The following PRLR variants were observed in gnomAD, a reference collection of about 807,000 sequenced individuals.
PRLR encodes prolactin receptor.
A neutral mutation model predicts 40.2 loss-of-function variants in PRLR; 13 were observed. The ratio of observed to expected loss-of-function variants is 0.32; its 90% CI spans 0.21 to 0.51. The LOEUF is 0.51. Ranked by LOEUF, PRLR falls within the 20% of genes least tolerant of loss-of-function variation. The probability of loss-of-function intolerance (pLI) is 0.97; values close to 1 mark genes in which losing one functional copy is unlikely to be tolerated. For synonymous variants in PRLR, 269 were observed against 278.7 expected (o/e 0.97, Z 0.35); for missense variants, 656 against 747.3 (o/e 0.88, Z 1.42).
downstream of PRLR, among the ~76,000 whole-genome samples, chr5:35,053,195 T>C (rs1768563893): frequency 6.6e-6 from 1 of 152,116 alleles, no homozygotes; most frequent in South Asian, 2.1e-4. Flanking sequence ...CCCAATAAAA[T>C]AGATCAAGAA....
At chr5:35,206,028 A>G (rs551386726) in intron 1 of PRLR, among the ~76,000 whole-genome samples, 6 of 152,324 alleles carry the variant, frequency 3.9e-5, no homozygotes, top group Admixed American at 2.0e-4. Context: ...CATCATCTTA[A>G]TGTCAATGTC....
intron 4 of PRLR, among the ~76,000 whole-genome samples, chr5:35,085,258 C>A (rs565708732): frequency 4.6e-5 from 7 of 152,260 alleles, no homozygotes; most frequent in African/African-American, 1.7e-4. Flanking sequence ...GGGGTGGAGG[C>A]TTGTTCAATT....
At chr5:35,132,807 C>T (rs1259290795) in intron 1 of PRLR, among the ~76,000 whole-genome samples, 1 of 152,156 alleles carries the variant, frequency 6.6e-6, no homozygotes, top group African/African-American at 2.4e-5. Flanking sequence ...TGCTGACACC[C>T]TGTGATGGCT....
intron 1 of PRLR, among the ~76,000 whole-genome samples, chr5:35,156,996 G>C (rs371213472): frequency 2.6e-5 from 4 of 151,910 alleles, no homozygotes; most frequent in African/African-American, 9.7e-5. Flanking sequence ...TCCTAATTCA[G>C]AGCTAAGCTC....
intron 1 of PRLR, among the ~76,000 whole-genome samples, chr5:35,161,283 C>G (rs959944607): frequency 6.6e-6 from 1 of 152,182 alleles, no homozygotes; most frequent in African/African-American, 2.4e-5. Flanking sequence ...CCTTACTTCC[C>G]TCCTGTAGTA....
At chr5:35,192,126 T>C (rs558926381) in intron 1 of PRLR, among the ~76,000 whole-genome samples, 2 of 152,314 alleles carry the variant, frequency 1.3e-5, no homozygotes, top group African/African-American at 4.8e-5. Flanking sequence ...ACATACTTCT[T>C]GGGGACAAGG....
intron 1 of PRLR, among the ~76,000 whole-genome samples, chr5:35,220,135 A>G (rs1310029080): frequency 6.6e-6 from 1 of 152,140 alleles, no homozygotes; most frequent in Non-Finnish European, 1.5e-5. Context: ...GAGCTCTCAA[A>G]GGCAATGCCA....
rs893364728 is a variant in PRLR, at chr5:35,063,443, T to A, written c.*1646A>T. ...GGAAAAATAGAGAGGGGCTGCTAGA[T>A]GAGTCATGGATGCGCCCTTTAAAAT... is the stretch of plus-strand genomic sequence containing the variant. On this transcript the variant is annotated 3_prime_UTR_variant, in exon 10 of 10. Coordinates refer to ENST00000618457, the MANE Select transcript of PRLR (RefSeq NM_000949.7). The A allele has an allele frequency of 1.3e-5, 2 of 152,166 alleles. No individual in the cohort carries two copies. The highest frequency in any genetic ancestry group is 6.5e-5 in the Admixed American group (1 of 15,274). 9.4% of individuals were successfully genotyped at this position (152,166 alleles called of 1,614,324 possible).
intron 2 of PRLR, among the ~76,000 whole-genome samples, chr5:35,095,993 T>C (rs570588976): frequency 8.4e-4 from 128 of 152,230 alleles, no homozygotes; most frequent in Non-Finnish European, 1.6e-3. Flanking sequence ...CTCTGCACTC[T>C]GTGAAGATCA....
intron 1 of PRLR, among the ~76,000 whole-genome samples, chr5:35,147,821 C>A (rs201300293): frequency 6.6e-6 from 1 of 152,044 alleles, no homozygotes; most frequent in Non-Finnish European, 1.5e-5. Flanking sequence ...AACAAAAAAA[C>A]CAATGATTTG....
At chr5:35,123,645 A>G (rs1773363109) in intron 1 of PRLR, among the ~76,000 whole-genome samples, 1 of 152,188 alleles carries the variant, frequency 6.6e-6, no homozygotes, top group Admixed American at 6.5e-5. Context: ...TCTAACTCTA[A>G]CTGGTCCCGT....
intron 1 of PRLR, among the ~76,000 whole-genome samples, chr5:35,144,523 G>C: frequency 6.6e-6 from 1 of 152,130 alleles, no homozygotes; most frequent in East Asian, 1.9e-4. Flanking sequence ...GCACAATCTC[G>C]GCTCACTGCA....
chr5:35,184,155 T>G (rs1037337414), intron 1 of PRLR, among the ~76,000 whole-genome samples: 1 of 152,218 alleles, frequency 6.6e-6, no homozygotes, highest in African/African-American at 2.4e-5. Flanking sequence ...TTCATGATAG[T>G]TGGCTGATTA....
rs559426120 is a variant in PRLR at position 35,074,741 on chromosome 5, T to C, written c.374-1997A>G. 5.3e-5 allele frequency among the ~76,000 whole-genome samples: 8 copies of C among 152,118 alleles called. No homozygotes were observed. The East Asian group carries it at 1.4e-3, about 26-fold the overall frequency. ...TATAAAATAGTTGAAATGGTGGATA[T>C]GTGTTTTGTGTTTTTGCCACAATAA... On this transcript the variant is annotated intron_variant, in intron 5 of 9. Coordinates refer to ENST00000618457, the MANE Select transcript of PRLR (RefSeq NM_000949.7).
intron 2 of PRLR, among the ~76,000 whole-genome samples, chr5:35,094,241 C>T (rs147774964): frequency 2.4e-4 from 37 of 152,274 alleles, no homozygotes; most frequent in Non-Finnish European, 4.6e-4. Context: ...TTAATTTTAC[C>T]TACCTTTGAA....
At position 35,190,235 on chromosome 5, in the gene PRLR, A is replaced by G. The variant is rs774856101; in HGVS notation, c.-106+40033T>C. Among the ~76,000 whole-genome samples the G allele has an allele frequency of 1.0e-3, 155 of 152,310 alleles. 3 individuals carry two copies. Among genetic ancestry groups the G allele is most frequent in the Non-Finnish European group, 2.8e-4 (19 of 68,022 alleles). On this transcript the variant is annotated intron_variant, in intron 1 of 9. Transcript: ENST00000618457. ...TGGAAACCAAGGCACAAAGAGATTA[A>G]GTTCTTCCCCAATGCCCCACAGCGA... is the stretch of plus-strand genomic sequence containing the variant.
chr5:35,164,080 C>T (rs1009377042), intron 1 of PRLR, among the ~76,000 whole-genome samples: 4 of 152,188 alleles, frequency 2.6e-5, no homozygotes, highest in Admixed American at 1.3e-4. Context: ...TATTTTAAGC[C>T]GTCAGTCACG....
chr5:35,129,149 T>C lies in PRLR; in HGVS notation c.-105-11027A>G, dbSNP rs746829321. ...CCTTTCTGGATGCTGGTGGTGGTTA[T>C]GTAGGCAGCTTTCATTTCTGTAAGT... On this transcript the variant is annotated intron_variant, in intron 1 of 9. Coordinates refer to ENST00000618457, the MANE Select transcript of PRLR (RefSeq NM_000949.7). Among the ~76,000 whole-genome samples, 73 of 152,344 alleles carry C rather than the reference T, an allele frequency of 4.8e-4. 1 individual carries two copies. Among genetic ancestry groups the C allele is most frequent in the Non-Finnish European group, 8.5e-4 (58 of 68,036 alleles).
At chr5:35,129,547 C>A (rs1280349610) in intron 1 of PRLR, among the ~76,000 whole-genome samples, 2 of 152,106 alleles carry the variant, frequency 1.3e-5, no homozygotes, top group Non-Finnish European at 2.9e-5. Context: ...TGAAACTTAA[C>A]TGGTCTCAAG....
Sources: allele counts gnomAD v4.1 joint callset (sites outside exome capture counted in the v4.1 genomes callset), GRCh38; gene constraint gnomAD v4.1.1; transcripts MANE v1.5; gene names NCBI Gene and HGNC (gene_info 2026-07-23, HGNC 2026-07-21).